The following PLGRKT variants were observed in gnomAD, a reference collection of about 807,000 sequenced individuals.
PLGRKT encodes plasminogen receptor (KT).
PLGRKT carries 22 observed loss-of-function variants against 18.5 expected under a neutral mutation model. The observed-to-expected ratio is 1.19, with a 90% CI of 0.85 to 1.70. The LOEUF (loss-of-function observed/expected upper bound fraction) is 1.70, where lower values mean the gene tolerates loss of function less well. Ranked by LOEUF, PLGRKT falls within the 40% of genes most tolerant of loss-of-function variation. The probability of loss-of-function intolerance (pLI) is 0.00; values close to 1 mark genes in which losing one functional copy is unlikely to be tolerated. For synonymous variants in PLGRKT, 72 were observed against 52.8 expected, an observed-to-expected ratio of 1.36 and a Z score of -1.58; for missense variants, 235 against 174.4, an observed-to-expected ratio of 1.35 and a Z score of -1.96.
chr9:5,431,840 G>A, intron 3 of PLGRKT, 57 bp downstream of exon 3: 1 of 818,210 alleles, frequency 1.2e-6, no homozygotes, highest in Non-Finnish European at 2.1e-6. Flanking sequence ...TGGAGTACAT[G>A]TGGTAGAAAC....
chr9:5,402,286 G>C (rs1168758786), intron 3 of PLGRKT, among the ~76,000 whole-genome samples: 1 of 151,870 alleles, frequency 6.6e-6, no homozygotes, highest in Non-Finnish European at 1.5e-5. Context: ...TGCACTCTCT[G>C]TGGACAGGGT....
chr9:5,387,452 C>G (rs1817865583), intron 3 of PLGRKT, among the ~76,000 whole-genome samples: 1 of 151,712 alleles, frequency 6.6e-6, no homozygotes, highest in Non-Finnish European at 1.5e-5. Flanking sequence ...TAATGGGATA[C>G]TATAAAACAT....
chr9:5,387,715 A>C (rs1031541930), intron 3 of PLGRKT, among the ~76,000 whole-genome samples: 1 of 151,810 alleles, frequency 6.6e-6, no homozygotes, highest in Non-Finnish European at 1.5e-5. Flanking sequence ...TGTTAAGTAC[A>C]CAGGAATAAA....
At chr9:5,437,152 G>A (rs1355683136) in intron 1 of PLGRKT, among the ~76,000 whole-genome samples, 1 of 152,126 alleles carries the variant, frequency 6.6e-6, no homozygotes, top group East Asian at 1.9e-4. Context: ...GATTACTATG[G>A]GAAGGTGTAT....
chr9:5,406,481 C>T (rs1391430910), intron 3 of PLGRKT, among the ~76,000 whole-genome samples: 1 of 152,072 alleles, frequency 6.6e-6, no homozygotes, highest in Non-Finnish European at 1.5e-5. Flanking sequence ...AAGCTGGAAG[C>T]CATTATCCTC....
intron 3 of PLGRKT, among the ~76,000 whole-genome samples, chr9:5,394,236 C>A (rs1339765379): frequency 6.6e-6 from 1 of 151,696 alleles, no homozygotes; most frequent in African/African-American, 2.4e-5. Flanking sequence ...ACATGACTTC[C>A]TGATGAACTG....
intron 3 of PLGRKT, among the ~76,000 whole-genome samples, chr9:5,425,291 C>T (rs1818674933): frequency 6.6e-6 from 1 of 152,140 alleles, no homozygotes; most frequent in Non-Finnish European, 1.5e-5. Context: ...TACCACTCAT[C>T]CACCATCCTA....
At chr9:5,423,596 G>A (rs778251065) in intron 3 of PLGRKT, among the ~76,000 whole-genome samples, 3 of 152,060 alleles carry the variant, frequency 2.0e-5, no homozygotes, top group Non-Finnish European at 4.4e-5. Flanking sequence ...TGACACCGTT[G>A]AAAACACCTT....
chr9:5,402,278 C>T (rs1207006428), intron 3 of PLGRKT, among the ~76,000 whole-genome samples: 1 of 151,814 alleles, frequency 6.6e-6, no homozygotes, highest in Non-Finnish European at 1.5e-5. Context: ...AAGAACTCTG[C>T]ACTCTCTGTG....
At position 5,403,305 on chromosome 9, in the gene PLGRKT, C is replaced by T. The variant is rs182084007; in HGVS notation, c.81+28592G>A. ...ATGGTGCGATCTCCGCTCACTGCAACCTCTGCCTCCCGGGTTCAAGTGATT... is the reference window on the plus strand; with the variant it reads ...ATGGTGCGATCTCCGCTCACTGCAATCTCTGCCTCCCGGGTTCAAGTGATT... On this transcript the variant is annotated intron_variant, in intron 3 of 5. Transcript: ENST00000223864. Among the ~76,000 whole-genome samples the T allele has an allele frequency of 3.3e-3, 497 of 149,994 alleles. 11 individuals are homozygous for T. Among genetic ancestry groups the T allele is most frequent in the African/African-American group, 0.011 (430 of 40,342 alleles).
chr9:5,380,368 A>AC (rs1339978319), intron 3 of PLGRKT, among the ~76,000 whole-genome samples: 1 of 121,332 alleles, frequency 8.2e-6, no homozygotes, highest in African/African-American at 3.4e-5. Context: ...CTCTGTCTCA[A>AC]TTAAAAAAAA....
intron 3 of PLGRKT, among the ~76,000 whole-genome samples, chr9:5,414,358 A>C (rs966999658): frequency 6.6e-5 from 10 of 152,006 alleles, no homozygotes; most frequent in African/African-American, 2.4e-4. Context: ...GTAGAGACGG[A>C]GGTTTCACCA....
chr9:5,381,207 G>A (rs1054615210), intron 3 of PLGRKT, among the ~76,000 whole-genome samples: 7 of 152,350 alleles, frequency 4.6e-5, no homozygotes, highest in Middle Eastern at 6.8e-3. Flanking sequence ...CCAAGACAAT[G>A]GGGAAAATGT....
intron 5 of PLGRKT, among the ~76,000 whole-genome samples, chr9:5,360,388 G>A (rs779279090): frequency 1.2e-4 from 19 of 152,114 alleles, no homozygotes; most frequent in Non-Finnish European, 2.1e-4. Context: ...TTCAAGGATG[G>A]CTCTGTCATG....
At chr9:5,391,965 G>A (rs1817957165) in intron 3 of PLGRKT, among the ~76,000 whole-genome samples, 1 of 151,922 alleles carries the variant, frequency 6.6e-6, no homozygotes, top group South Asian at 2.1e-4. Context: ...TTAGCTGCAA[G>A]GATGCACAGA....
intron 3 of PLGRKT, among the ~76,000 whole-genome samples, chr9:5,404,907 G>A (rs1190558335): frequency 6.6e-6 from 1 of 152,160 alleles, no homozygotes; most frequent in Admixed American, 6.5e-5. Flanking sequence ...AGCTTCTTAA[G>A]TTGATAAGCA....
At position 5,418,160 on chromosome 9, in the gene PLGRKT, C is replaced by T. The variant is rs530602426; in HGVS notation, c.81+13737G>A. Among the ~76,000 whole-genome samples, 3 of 152,324 alleles carry T rather than the reference C, an allele frequency of 2.0e-5. No individual in the cohort carries two copies. Among genetic ancestry groups the T allele is most frequent in the African/African-American group, 7.2e-5 (3 of 41,570 alleles). Reference sequence around the variant, plus strand: ...CAATCATCTTCAAAGCTGTTGCCATCAGTACTCAGAGCAAGTTGCCTGGTA... The same window carrying T: ...CAATCATCTTCAAAGCTGTTGCCATTAGTACTCAGAGCAAGTTGCCTGGTA... On this transcript the variant is annotated intron_variant, in intron 3 of 5. Coordinates refer to ENST00000223864, the MANE Select transcript of PLGRKT (RefSeq NM_018465.4). This position sits in a 1 kb window ranked among gnomAD's most constrained non-coding sequence, Gnocchi z 4.2.
At chr9:5,415,489 A>G (rs963300031) in intron 3 of PLGRKT, among the ~76,000 whole-genome samples, 1 of 152,196 alleles carries the variant, frequency 6.6e-6, no homozygotes. Context: ...AAAGTTCAAG[A>G]AGAAGCAGAA....
At position 5,362,389 on chromosome 9, in the gene PLGRKT, C is replaced by T. The variant is rs140498592; in HGVS notation, c.82-501G>A. 7.9e-3 allele frequency among the ~76,000 whole-genome samples: 1,205 copies of T among 152,244 alleles called. 11 individuals carry two copies. Among genetic ancestry groups the T allele is most frequent in the Middle Eastern group, 0.037 (11 of 294 alleles). ...AGACATCTATAGAGATTTTTCTTTG[C>T]CACATTTTTCTCGCCTCAAGTTCTT... On this transcript the variant is annotated intron_variant, in intron 3 of 5. Coordinates refer to ENST00000223864, the MANE Select transcript of PLGRKT (RefSeq NM_018465.4).
Sources: gnomAD v4.1 joint callset for allele counts (sites outside exome capture counted in the v4.1 genomes callset) on GRCh38, gnomAD v4.1.1 for gene constraint, Gnocchi (gnomAD v3.1) non-coding constraint, MANE v1.5 for transcripts, NCBI Gene and HGNC (gene_info 2026-07-23, HGNC 2026-07-21) for gene names.